SWAP70: variants seen among roughly 807,000 people sequenced by gnomAD.
SWAP70 encodes the protein switch-associated protein 70.
SWAP70 carries 34 observed loss-of-function variants against 80.2 expected under a neutral mutation model. That is an observed-to-expected ratio of 0.42 (90% confidence interval 0.32 to 0.56). The LOEUF is 0.56. SWAP70 is among the 20% of genes least tolerant of loss of function. The pLI is 0.09. For missense variants in SWAP70, 578 were observed against 690.7 expected (o/e 0.84, Z 1.83); for synonymous variants, 239 against 238.5 (o/e 1.00, Z -0.02).
intron 9 of SWAP70, among the ~76,000 whole-genome samples, chr11:9,743,358 A>T (rs1219622611): frequency 6.6e-6 from 1 of 152,082 alleles, no homozygotes; most frequent in South Asian, 2.1e-4. Context: ...CGCAATAAAC[A>T]TACTTGTGCA....
intron 4 of SWAP70, among the ~76,000 whole-genome samples, chr11:9,725,558 TATATATATA>T (rs1242536460): frequency 0.037 from 449 of 12,136 alleles, 3 homozygotes; most frequent in African/African-American, 0.085. Flanking sequence ...TATATATATA[TATATATATA>T]TATTTTTTTT....
At chr11:9,702,877 G>A (rs1850850878) in intron 2 of SWAP70, among the ~76,000 whole-genome samples, 2 of 152,152 alleles carry the variant, frequency 1.3e-5, no homozygotes. Context: ...ACTTTGGCCA[G>A]CAATGTGAGT....
At chr11:9,667,367 C>T (rs184332267) in intron 1 of SWAP70, among the ~76,000 whole-genome samples, 1 of 152,146 alleles carries the variant, frequency 6.6e-6, no homozygotes, top group Admixed American at 6.5e-5. Flanking sequence ...CCTCCAGCCT[C>T]CACCTCCCAA....
rs187893332 is a variant in SWAP70 at position 9,740,388 on chromosome 11, C to T, written c.1355+41C>T. The T allele has an allele frequency of 1.7e-5, 28 of 1,601,030 alleles. 2 individuals are homozygous for T. The African/African-American group carries it at 3.2e-4, about 18-fold the overall frequency. On this transcript the variant is annotated intron_variant, in intron 9 of 11. Coordinates refer to ENST00000318950, the MANE Select transcript of SWAP70 (RefSeq NM_015055.4). Reference sequence around the variant, plus strand: ...GCAGACTTTGCCTTTATGTACTTTGCCTGGGCTAATACAGTTTCTTGGAAT... The same window carrying T: ...GCAGACTTTGCCTTTATGTACTTTGTCTGGGCTAATACAGTTTCTTGGAAT...
Position 9,732,578 on chromosome 11 carries a change from C to A in SWAP70, c.948C>A (p.His316Gln), listed in dbSNP as rs760081714. 1 of 1,604,876 alleles carries A rather than the reference C, an allele frequency of 6.2e-7. No individual in the cohort carries two copies. Among genetic ancestry groups the A allele is most frequent in the Non-Finnish European group, 8.5e-7 (1 of 1,174,824 alleles). Residue 316 changes from histidine to glutamine, a missense_variant, in exon 7 of 12, where the codon CAC becomes CAA. Physicochemically the swap from His to Gln is conservative, Grantham distance 24. Transcript: ENST00000318950. The part of the protein sequence containing the change: ...HLLKLGSPPP[H>Q]KEARQRRKEL... Reference sequence around the variant, plus strand: ...TGAAGCTGGGCAGCCCTCCACCACACAAAGAAGCCCGCCAGCGTCGGAAAG... The same window carrying A: ...TGAAGCTGGGCAGCCCTCCACCACAAAAAGAAGCCCGCCAGCGTCGGAAAG...
chr11:9,727,520 A>C (rs1235022517), intron 4 of SWAP70, among the ~76,000 whole-genome samples: 2 of 144,984 alleles, frequency 1.4e-5, no homozygotes, highest in East Asian at 4.4e-4. Flanking sequence ...CCACTGCATC[A>C]GGCCTGATCG....
intron 3 of SWAP70, 60 bp downstream of exon 3, chr11:9,713,699 G>C (rs1590033404): frequency 6.5e-7 from 1 of 1,533,270 alleles, no homozygotes; most frequent in East Asian, 2.3e-5. Flanking sequence ...GACCTGGCTT[G>C]GTATTTTTTC....
At chr11:9,666,041 C>T (rs1473584892) in intron 1 of SWAP70, among the ~76,000 whole-genome samples, 6 of 144,152 alleles carry the variant, frequency 4.2e-5, no homozygotes, top group African/African-American at 1.3e-4. Context: ...TTTTTTTCCT[C>T]TCTTTTTCTT....
At chr11:9,701,860 A>G (rs1850837767) in intron 2 of SWAP70, among the ~76,000 whole-genome samples, 1 of 152,094 alleles carries the variant, frequency 6.6e-6, no homozygotes, top group Non-Finnish European at 1.5e-5. Flanking sequence ...CTTCCATGAG[A>G]TTTAATGGCT....
intron 1 of SWAP70, among the ~76,000 whole-genome samples, chr11:9,667,881 A>G (rs1850328183): frequency 6.6e-6 from 1 of 151,728 alleles, no homozygotes; most frequent in South Asian, 2.1e-4. Flanking sequence ...CTTTATTACT[A>G]TTACTGTTGT....
intron 2 of SWAP70, among the ~76,000 whole-genome samples, chr11:9,695,489 A>G (rs916980748): frequency 3.3e-5 from 5 of 152,088 alleles, no homozygotes; most frequent in Non-Finnish European, 7.4e-5. Context: ...ATGAAGCTGG[A>G]AGCCATCATC....
At chr11:9,692,682 T>A (rs1292288218) in intron 1 of SWAP70, among the ~76,000 whole-genome samples, 1 of 152,314 alleles carries the variant, frequency 6.6e-6, no homozygotes, top group East Asian at 1.9e-4. Flanking sequence ...TTTACAGTTA[T>A]TAAGCTCTTT....
At chr11:9,729,534 T>C in intron 6 of SWAP70, 83 bp downstream of exon 6, 2 of 1,066,116 alleles carry the variant, frequency 1.9e-6, no homozygotes. Flanking sequence ...AGTCTTGCTC[T>C]GTTGCCCGGG....
At chr11:9,742,936 A>G (rs908007702) in intron 9 of SWAP70, among the ~76,000 whole-genome samples, 71 of 146,774 alleles carry the variant, frequency 4.8e-4, no homozygotes, top group African/African-American at 1.5e-3. Flanking sequence ...TTTAGGGTAC[A>G]TGTGCACAAT....
intron 1 of SWAP70, among the ~76,000 whole-genome samples, chr11:9,671,743 G>T (rs185703261): frequency 0.3 from 15,681 of 52,744 alleles, 1,789 homozygotes; most frequent in Middle Eastern, 0.44. Flanking sequence ...TGTATACATA[G>T]AAATATAAAT....
In SWAP70 at chr11:9,738,389, C is replaced by T. The variant is rs943205712; in HGVS notation, c.1188+69C>T. 1.2e-5 allele frequency: 14 copies of T among 1,171,894 alleles called. No homozygotes were observed. In the Middle Eastern group the frequency reaches 9.1e-4, roughly 76 times the overall value. The allele number at this position is 1,171,894 out of a possible 1,614,324, so 72.6% of individuals were successfully genotyped here. A position where few individuals can be genotyped will look rare whatever the true frequency, so the allele number is the denominator to read the frequency against. ...CTGGGTCGGTGGGAACAGGGAAGGG[C>T]TGGAGGCTACAGTGAGGCATGTCAT... On this transcript the variant is annotated intron_variant, in intron 8 of 11. Transcript: ENST00000318950.
At chr11:9,664,581 G>T (rs964198883) in intron 1 of SWAP70, among the ~76,000 whole-genome samples, 4 of 152,212 alleles carry the variant, frequency 2.6e-5, no homozygotes, top group African/African-American at 9.6e-5. Flanking sequence ...TTCCTTCTTG[G>T]CGTTGGAGAG....
rs570386980 is a variant in SWAP70, at chr11:9,741,938, T to TAAAAAAAAAAAAAAAAAAA, written c.1355+1593_1355+1611dup. 9 of 81,946 alleles carry TAAAAAAAAAAAAAAAAAAA rather than the reference T, an allele frequency of 1.1e-4. 2 individuals are homozygous for TAAAAAAAAAAAAAAAAAAA. Among genetic ancestry groups the TAAAAAAAAAAAAAAAAAAA allele is most frequent in the Non-Finnish European group, 1.2e-4 (5 of 41,098 alleles). The allele number at this position is 81,946 out of a possible 1,614,324, so 5.1% of individuals were successfully genotyped here. A position where few individuals can be genotyped will look rare whatever the true frequency, so the allele number is the denominator to read the frequency against. On this transcript the variant is annotated intron_variant, in intron 9 of 11. Transcript: ENST00000318950. The stretch of plus-strand genomic sequence containing the variant: ...GAGCAACATGGTGAAACCTCATCTT[T>TAAAAAAAAAAAAAAAAAAA]AAAAAAAAAAAAAAAAAAAAGTCTA...
In SWAP70 at chr11:9,749,606, A is replaced by G. The variant is rs1435210108; in HGVS notation, c.1652-258A>G. Among the ~76,000 whole-genome samples, 4 of 152,190 alleles carry G rather than the reference A, an allele frequency of 2.6e-5. No homozygotes were observed. The South Asian group carries it at 8.3e-4, about 32-fold the overall frequency. ...CTTGTGTATTTGAATTGTACTAAAG[A>G]AACTTTTTTAGCCCAAATGTAAAAA... is the stretch of plus-strand genomic sequence containing the variant. On this transcript the variant is annotated intron_variant, in intron 11 of 11. Transcript: ENST00000318950.
Sources: allele counts gnomAD v4.1 joint callset (sites outside exome capture counted in the v4.1 genomes callset), GRCh38; gene constraint gnomAD v4.1.1; transcripts MANE v1.5; gene names NCBI Gene and HGNC (gene_info 2026-07-23, HGNC 2026-07-21).